STON2: variants seen among roughly 807,000 people sequenced by gnomAD.
STON2 encodes stonin 2.
A neutral mutation model predicts 65.7 loss-of-function variants in STON2; 29 were observed. The ratio of observed to expected loss-of-function variants is 0.44; its 90% CI spans 0.33 to 0.60. The LOEUF (loss-of-function observed/expected upper bound fraction) is 0.60, where lower values mean the gene tolerates loss of function less well. Among genes scored for constraint, STON2 ranks in the 20% least tolerant of loss-of-function variants. STON2 has a pLI of 0.03. For synonymous variants in STON2, 404 were observed against 414.2 expected (o/e 0.98, Z 0.30); for missense variants, 1,054 against 1,118.1 (o/e 0.94, Z 0.82).
chr14:81,386,124 G>C (rs767949354), intron 3 of STON2, among the ~76,000 whole-genome samples: 7 of 152,096 alleles, frequency 4.6e-5, no homozygotes, highest in Non-Finnish European at 1.0e-4. Flanking sequence ...AGAAGGAAAG[G>C]CTCTGCTGAA....
intron 5 of STON2, among the ~76,000 whole-genome samples, chr14:81,310,600 TTTA>T (rs1566902538): frequency 6.6e-6 from 1 of 152,196 alleles, no homozygotes. Context: ...ATGGCTAACA[TTTA>T]TTGAGGACTT....
intron 4 of STON2, among the ~76,000 whole-genome samples, chr14:81,368,928 C>T (rs1898862760): frequency 6.6e-6 from 1 of 152,146 alleles, no homozygotes; most frequent in Non-Finnish European, 1.5e-5. Context: ...ACCTGTTTGC[C>T]GCTTCCAACC....
chr14:81,411,038 C>T (rs8022070), intron 2 of STON2, among the ~76,000 whole-genome samples: 35,748 of 152,106 alleles, frequency 0.24, 6,136 homozygotes, highest in African/African-American at 0.46. Context: ...CTTCCTTGCT[C>T]ATTTAGGCCA....
chr14:81,319,825 AT>A (rs1373459956), intron 5 of STON2, among the ~76,000 whole-genome samples: 1 of 152,140 alleles, frequency 6.6e-6, no homozygotes. Flanking sequence ...CACCACCCCC[AT>A]TTAATAGAAC....
intron 6 of STON2, among the ~76,000 whole-genome samples, chr14:81,273,118 A>G (rs1306118900): frequency 6.6e-6 from 1 of 152,234 alleles, no homozygotes; most frequent in African/African-American, 2.4e-5. Context: ...TGGAATATGG[A>G]GAAATCTTTC....
chr14:81,332,280 G>C (rs568325199), intron 4 of STON2, among the ~76,000 whole-genome samples: 3 of 152,144 alleles, frequency 2.0e-5, no homozygotes, highest in Admixed American at 1.3e-4. Context: ...AGCTTGCTTT[G>C]TATGTTTGGG....
intron 4 of STON2, chr14:81,333,264 G>A: frequency 1.4e-6 from 1 of 726,954 alleles, no homozygotes; most frequent in Non-Finnish European, 2.5e-6. Flanking sequence ...CGGTACTGTT[G>A]CCTTCCCGGG....
At chr14:81,431,702 C>A (rs1014748839) in intron 1 of STON2, among the ~76,000 whole-genome samples, 2 of 151,444 alleles carry the variant, frequency 1.3e-5, no homozygotes, top group African/African-American at 2.4e-5. Flanking sequence ...TGCTTGAACC[C>A]GGGAGCCGGA....
intron 4 of STON2, among the ~76,000 whole-genome samples, chr14:81,355,229 A>G (rs1428217133): frequency 6.6e-6 from 1 of 152,216 alleles, no homozygotes; most frequent in African/African-American, 2.4e-5. Context: ...GCATATTTTA[A>G]AAAATAATAG....
intron 5 of STON2, among the ~76,000 whole-genome samples, chr14:81,288,702 C>T (rs1595298191): frequency 6.6e-6 from 1 of 151,988 alleles, no homozygotes; most frequent in East Asian, 1.9e-4. Context: ...CCATCAAACA[C>T]CTATATGGTA....
intron 4 of STON2, among the ~76,000 whole-genome samples, chr14:81,348,095 A>T (rs777233722): frequency 6.6e-6 from 1 of 152,092 alleles, no homozygotes; most frequent in Non-Finnish European, 1.5e-5. Context: ...AAAACTCTCA[A>T]CAAATAAGGC....
intron 3 of STON2, among the ~76,000 whole-genome samples, chr14:81,382,403 C>A (rs1462009388): frequency 6.6e-6 from 1 of 151,964 alleles, no homozygotes; most frequent in Non-Finnish European, 1.5e-5. Flanking sequence ...AAGGAGTAAG[C>A]CACAGAGTAA....
At chr14:81,409,265 C>T (rs1337284494) in intron 2 of STON2, among the ~76,000 whole-genome samples, 1 of 151,750 alleles carries the variant, frequency 6.6e-6, no homozygotes, top group Non-Finnish European at 1.5e-5. Context: ...ATTAGCCAGG[C>T]GTAGTGGTGT....
chr14:81,349,504 C>T (rs988885177), intron 4 of STON2, among the ~76,000 whole-genome samples: 3 of 151,986 alleles, frequency 2.0e-5, no homozygotes, highest in Non-Finnish European at 4.4e-5. Context: ...TATCACAAAT[C>T]ATCAGAGAAA....
intron 4 of STON2, among the ~76,000 whole-genome samples, chr14:81,339,467 C>T (rs1219243584): frequency 2.0e-5 from 3 of 152,032 alleles, no homozygotes; most frequent in Non-Finnish European, 4.4e-5. Context: ...GATCTCCAAC[C>T]ATCACTGTGG....
chr14:81,268,802 T>A, intron 7 of STON2: 1 of 218,150 alleles, frequency 4.6e-6, no homozygotes, highest in Non-Finnish European at 7.8e-6. Flanking sequence ...TAAGTAGACT[T>A]AGGTACTTCT....
At chr14:81,384,644 C>T (rs1899705158) in intron 3 of STON2, among the ~76,000 whole-genome samples, 1 of 152,188 alleles carries the variant, frequency 6.6e-6, no homozygotes, top group African/African-American at 2.4e-5. Context: ...GCTGTATCCA[C>T]AGTGTTTGAA....
chr14:81,433,072 C>T (rs1902280797), intron 1 of STON2, among the ~76,000 whole-genome samples: 1 of 152,226 alleles, frequency 6.6e-6, no homozygotes, highest in Non-Finnish European at 1.5e-5. Context: ...TCTGCATTTT[C>T]TCAATCCCTC....
intron 2 of STON2, chr14:81,418,051 T>C (rs1901525759): frequency 6.6e-6 from 1 of 152,270 alleles, no homozygotes; most frequent in South Asian, 2.1e-4. Flanking sequence ...CCTGGCAGCA[T>C]TTCTAGTGTT....
Sources: allele counts gnomAD v4.1 joint callset (sites outside exome capture counted in the v4.1 genomes callset), GRCh38; gene constraint gnomAD v4.1.1; transcripts MANE v1.5; gene names NCBI Gene and HGNC (gene_info 2026-07-23, HGNC 2026-07-21).